CCSER1: variants seen among roughly 807,000 people sequenced by gnomAD.
The protein encoded by CCSER1 is serine-rich coiled-coil domain-containing protein 1.
Under a neutral mutation model 82.0 loss-of-function variants are expected in CCSER1, and 41 were observed. That is an observed-to-expected ratio of 0.50 (90% CI 0.39 to 0.65). CCSER1 has a LOEUF of 0.65. Ranked by LOEUF, CCSER1 falls within the 30% of genes least tolerant of loss-of-function variation. The pLI is 0.00. For missense variants in CCSER1, 1,119 were observed against 1,064.2 expected (o/e 1.05, Z -0.72); for synonymous variants, 414 against 383.9 (o/e 1.08, Z -0.92).
intron 1 of CCSER1, among the ~76,000 whole-genome samples, chr4:90,300,404 C>A (rs997164886): frequency 6.6e-6 from 1 of 152,030 alleles, no homozygotes; most frequent in African/African-American, 2.4e-5. Context: ...GTGTTAGTGT[C>A]TTTGTGATGT....
intron 10 of CCSER1, among the ~76,000 whole-genome samples, chr4:91,356,817 C>T (rs570387813): frequency 6.6e-6 from 1 of 152,080 alleles, no homozygotes; most frequent in African/African-American, 2.4e-5. Flanking sequence ...GCTGGATGGC[C>T]CTCGGGGATG....
In CCSER1 at chr4:90,228,544, A is replaced by C. The variant is rs1334489961; in HGVS notation, c.-41-79700A>C. Among the ~76,000 whole-genome samples the C allele has an allele frequency of 5.3e-5, 8 of 152,304 alleles. No homozygotes were observed. The East Asian group carries it at 1.4e-3, about 26-fold the overall frequency. ...GAAAAAACAGAGCAGAAAAACTGGA[A>C]ACTCTAAAACGCAGAGCGCCTCTCC... On this transcript the variant is annotated intron_variant, in intron 1 of 10. Coordinates refer to ENST00000509176, the MANE Select transcript of CCSER1 (RefSeq NM_001145065.2).
intron 9 of CCSER1, among the ~76,000 whole-genome samples, chr4:90,993,738 C>G (rs1350881959): frequency 6.6e-6 from 1 of 152,018 alleles, no homozygotes; most frequent in Non-Finnish European, 1.5e-5. Context: ...AGTGCTAATT[C>G]TGTTATGAGA....
At chr4:91,143,801 CA>C (rs1197784925) in intron 10 of CCSER1, among the ~76,000 whole-genome samples, 1 of 151,896 alleles carries the variant, frequency 6.6e-6, no homozygotes, top group Non-Finnish European at 1.5e-5. Flanking sequence ...ATGTTGAACC[CA>C]CATTGCATCC....
At chr4:90,143,579 TTGAA>T (rs1346743714) in intron 1 of CCSER1, among the ~76,000 whole-genome samples, 2 of 152,022 alleles carry the variant, frequency 1.3e-5, no homozygotes, top group Non-Finnish European at 2.9e-5. Context: ...TAAATTTTTG[TTGAA>T]TGAATGGATT....
At chr4:90,932,828 CAAAA>C (rs70965459) in intron 9 of CCSER1, among the ~76,000 whole-genome samples, 1 of 25,178 alleles carries the variant, frequency 4.0e-5, no homozygotes, top group Non-Finnish European at 7.0e-5. Context: ...ACTCCGTCTC[CAAAA>C]AAAAAAAAAA....
At chr4:90,776,754 G>T (rs1752947151) in intron 7 of CCSER1, among the ~76,000 whole-genome samples, 1 of 152,146 alleles carries the variant, frequency 6.6e-6, no homozygotes, top group Non-Finnish European at 1.5e-5. Context: ...TTTTACAAAT[G>T]AGGAAACTGA....
chr4:90,161,576 A>G (rs1322752169), intron 1 of CCSER1, among the ~76,000 whole-genome samples: 1 of 152,122 alleles, frequency 6.6e-6, no homozygotes. Flanking sequence ...GAATGTTTAA[A>G]TGAGAATAAT....
At chr4:91,434,811 C>G (rs1409998266) in intron 10 of CCSER1, among the ~76,000 whole-genome samples, 1 of 152,180 alleles carries the variant, frequency 6.6e-6, no homozygotes, top group Non-Finnish European at 1.5e-5. Context: ...CCTCTTAGGT[C>G]AGGAGCCATT....
intron 10 of CCSER1, among the ~76,000 whole-genome samples, chr4:91,415,337 T>C (rs543563488): frequency 6.6e-6 from 1 of 152,118 alleles, no homozygotes. Flanking sequence ...TTTCTAGACA[T>C]GGAATCATGA....
chr4:90,954,020 G>A (rs907919062), intron 9 of CCSER1, among the ~76,000 whole-genome samples: 1 of 151,426 alleles, frequency 6.6e-6, no homozygotes, highest in African/African-American at 2.4e-5. Flanking sequence ...TTCTACTATC[G>A]GATTGAATGC....
At chr4:90,681,801 G>T (rs1265150136) in intron 6 of CCSER1, among the ~76,000 whole-genome samples, 1 of 151,826 alleles carries the variant, frequency 6.6e-6, no homozygotes, top group Non-Finnish European at 1.5e-5. Flanking sequence ...TTTATTTGTG[G>T]ACTGATTTAA....
At chr4:91,483,187 C>T (rs1040486438) in intron 10 of CCSER1, among the ~76,000 whole-genome samples, 6 of 151,702 alleles carry the variant, frequency 4.0e-5, no homozygotes, top group Non-Finnish European at 7.4e-5. Context: ...TAAATAGTGT[C>T]ATACTCTATC....
intron 7 of CCSER1, among the ~76,000 whole-genome samples, chr4:90,751,967 T>C (rs1463420616): frequency 6.6e-6 from 1 of 152,090 alleles, no homozygotes; most frequent in Non-Finnish European, 1.5e-5. Context: ...GTTCCAAATA[T>C]TTGCTCAAAA....
chr4:91,390,271 A>G (rs924838653), intron 10 of CCSER1, among the ~76,000 whole-genome samples: 3 of 151,890 alleles, frequency 2.0e-5, no homozygotes, highest in Non-Finnish European at 4.4e-5. Flanking sequence ...GATATTGTCA[A>G]ATGCTTTTTC....
At chr4:91,051,631 A>C (rs1263309582) in intron 9 of CCSER1, among the ~76,000 whole-genome samples, 1 of 152,150 alleles carries the variant, frequency 6.6e-6, no homozygotes, top group African/African-American at 2.4e-5. Flanking sequence ...ATATTGTCAT[A>C]GCTGGGTAAA....
intron 8 of CCSER1, among the ~76,000 whole-genome samples, chr4:90,884,548 T>C (rs1328399563): frequency 6.6e-6 from 1 of 152,166 alleles, no homozygotes; most frequent in African/African-American, 2.4e-5. Context: ...GATAGCTCTA[T>C]ACAGAAGACT....
intron 10 of CCSER1, among the ~76,000 whole-genome samples, chr4:91,157,542 C>T (rs942509847): frequency 3.3e-5 from 5 of 151,892 alleles, no homozygotes; most frequent in African/African-American, 9.6e-5. Flanking sequence ...ATTCAATGTG[C>T]GGAAATCTTA....
At chr4:90,491,902 T>A (rs1054591324) in intron 5 of CCSER1, among the ~76,000 whole-genome samples, 2 of 152,224 alleles carry the variant, frequency 1.3e-5, no homozygotes, top group African/African-American at 4.8e-5. Flanking sequence ...TTTGATGTGC[T>A]GCTGGATTTG....
Sources: gnomAD v4.1 joint callset for allele counts (sites outside exome capture counted in the v4.1 genomes callset) on GRCh38, gnomAD v4.1.1 for gene constraint, MANE v1.5 for transcripts, NCBI Gene and HGNC (gene_info 2026-07-23, HGNC 2026-07-21) for gene names.